The following IL1RAPL1 variants were observed in gnomAD, a reference collection of about 807,000 sequenced individuals.
IL1RAPL1 encodes the protein interleukin-1 receptor accessory protein-like 1.
A neutral mutation model predicts 48.4 loss-of-function variants in IL1RAPL1; 3 were observed. That is an observed-to-expected ratio of 0.06 (90% CI 0.03 to 0.16). The LOEUF (loss-of-function observed/expected upper bound fraction) is 0.16. Ranked by LOEUF, IL1RAPL1 falls within the 10% of genes least tolerant of loss-of-function variation. The probability of loss-of-function intolerance (pLI) is 1.00; values close to 1 mark genes in which losing one functional copy is unlikely to be tolerated. For missense variants in IL1RAPL1, 349 were observed against 530.6 expected (o/e 0.66, Z 3.36); for synonymous variants, 185 against 187.7 (o/e 0.99, Z 0.12).
intron 2 of IL1RAPL1, among the ~76,000 whole-genome samples, chrX:28,911,281 T>TC (rs1293668839): frequency 8.9e-6 from 1 of 111,737 alleles, no homozygotes; most frequent in Non-Finnish European, 1.9e-5. Flanking sequence ...AGCTTTTTTT[T>TC]CTGGAAGTAA....
chrX:29,261,916 TG>T (rs1331273869), intron 2 of IL1RAPL1, among the ~76,000 whole-genome samples: 1 of 111,789 alleles, frequency 8.9e-6, no homozygotes, highest in African/African-American at 3.3e-5. Flanking sequence ...ATATGTTTGT[TG>T]GCTTACTTGT....
Position 29,819,508 on chromosome X carries a change from T to C in IL1RAPL1, c.779-97956T>C, listed in dbSNP as rs750474158. ...ATTCCTGCTGGGGCTTCTGCTATAG[T>C]TTATTAACAAGTATCAGTGTTTCCA... On this transcript the variant is annotated intron_variant, in intron 6 of 10. Coordinates refer to ENST00000378993, the MANE Select transcript of IL1RAPL1 (RefSeq NM_014271.4). 1.0e-3 allele frequency among the ~76,000 whole-genome samples: 113 copies of C among 111,393 alleles called. 1 individual carries two copies. The highest frequency in any genetic ancestry group is 3.6e-3 in the African/African-American group (110 of 30,709).
chrX:29,372,530 A>G (rs745718660), intron 3 of IL1RAPL1, among the ~76,000 whole-genome samples: 1 of 111,479 alleles, frequency 9.0e-6, no homozygotes. Context: ...TTTCTTCTAG[A>G]ATTTTCATAG....
At chrX:29,502,377 G>A in intron 5 of IL1RAPL1, among the ~76,000 whole-genome samples, 1 of 111,071 alleles carries the variant, frequency 9.0e-6, no homozygotes, top group African/African-American at 3.3e-5. Context: ...TAGTGAAAGT[G>A]CGCATCCTTG....
intron 1 of IL1RAPL1, among the ~76,000 whole-genome samples, chrX:28,675,298 G>T (rs1388231203): frequency 1.8e-5 from 2 of 111,642 alleles, no homozygotes; most frequent in East Asian, 5.6e-4. Context: ...AATATTTGTT[G>T]CTGCTAATCC....
chrX:28,728,687 T>A (rs1260549437), intron 1 of IL1RAPL1, among the ~76,000 whole-genome samples: 1 of 111,833 alleles, frequency 8.9e-6, no homozygotes, highest in African/African-American at 3.2e-5. Context: ...TTTACTAATG[T>A]TTATTTTCCA....
intron 6 of IL1RAPL1, among the ~76,000 whole-genome samples, chrX:29,742,546 G>GA (rs770774009): frequency 6.5e-4 from 66 of 102,157 alleles, no homozygotes; most frequent in African/African-American, 1.4e-3. Context: ...TAAATGGTGG[G>GA]AAAAAAAAAA....
rs180795403 is a variant in IL1RAPL1 at position 29,422,595 on chromosome X, A to T, written c.703+23287A>T. 3.6e-5 allele frequency among the ~76,000 whole-genome samples: 4 copies of T among 112,422 alleles called. No individual in the cohort carries two copies. In the East Asian group the frequency reaches 1.1e-3, roughly 31 times the overall value. On this transcript the variant is annotated intron_variant, in intron 5 of 10. Coordinates refer to ENST00000378993, the MANE Select transcript of IL1RAPL1 (RefSeq NM_014271.4). ...TTAAAGAGCAAATCTCTGAAAGCTA[A>T]TGATGCCTGGGTTGCAATCTAAATG...
At chrX:29,793,358 T>C (rs1354360856) in intron 6 of IL1RAPL1, among the ~76,000 whole-genome samples, 1 of 112,640 alleles carries the variant, frequency 8.9e-6, no homozygotes, top group Non-Finnish European at 1.9e-5. Flanking sequence ...AGCAAGAATG[T>C]ACAAAGCCAT....
At chrX:29,367,406 G>A (rs938691059) in intron 3 of IL1RAPL1, among the ~76,000 whole-genome samples, 1 of 110,830 alleles carries the variant, frequency 9.0e-6, no homozygotes, top group Non-Finnish European at 1.9e-5. Flanking sequence ...ATATTGTCTG[G>A]CAAATATTAT....
chrX:29,416,515 C>T (rs751807399), intron 5 of IL1RAPL1, among the ~76,000 whole-genome samples: 75 of 110,784 alleles, frequency 6.8e-4, no homozygotes, highest in African/African-American at 2.3e-3. Flanking sequence ...CCAGCCTGGG[C>T]GACAGAGTTA....
intron 6 of IL1RAPL1, among the ~76,000 whole-genome samples, chrX:29,711,094 A>G (rs2147120733): frequency 9.6e-6 from 1 of 103,752 alleles, no homozygotes; most frequent in South Asian, 4.6e-4. Flanking sequence ...ACACACAGAT[A>G]TATATTTTCC....
At chrX:29,028,147 A>G (rs899462887) in intron 2 of IL1RAPL1, among the ~76,000 whole-genome samples, 1 of 110,747 alleles carries the variant, frequency 9.0e-6, no homozygotes, top group Non-Finnish European at 1.9e-5. Context: ...AATACAATAC[A>G]TTGTTACTAA....
intron 1 of IL1RAPL1, among the ~76,000 whole-genome samples, chrX:28,666,791 A>G (rs1013790990): frequency 8.9e-6 from 1 of 112,118 alleles, no homozygotes; most frequent in Non-Finnish European, 1.9e-5. Flanking sequence ...AGTTGGCTAT[A>G]TAAACATAAC....
At chrX:29,721,544 A>G (rs904606429) in intron 6 of IL1RAPL1, among the ~76,000 whole-genome samples, 1 of 112,038 alleles carries the variant, frequency 8.9e-6, no homozygotes, top group East Asian at 2.8e-4. Context: ...GAAATGTTCA[A>G]TTAAGGAACA....
In IL1RAPL1 at chrX:29,558,167, G is replaced by T. The variant is rs764379164; in HGVS notation, c.704-110263G>T. Among the ~76,000 whole-genome samples, 4 of 111,319 alleles carry T rather than the reference G, an allele frequency of 3.6e-5. No individual in the cohort carries two copies. The South Asian group carries it at 1.5e-3, about 42-fold the overall frequency. The stretch of plus-strand genomic sequence containing the variant: ...TCATTCCCACCATCAGTGCACAGAG[G>T]TCTCTATTCTCCACATCCTTGCCAA... On this transcript the variant is annotated intron_variant, in intron 5 of 10. Coordinates refer to ENST00000378993, the MANE Select transcript of IL1RAPL1 (RefSeq NM_014271.4).
rs186091753 is a variant in IL1RAPL1 at position 29,137,859 on chromosome X, C to A, written c.83-145079C>A. Reference sequence around the variant, plus strand: ...ATGATAAAGTTGATGTAATATGTGACCTTTTATAAGTCACTTTCCCATTTG... The same window carrying A: ...ATGATAAAGTTGATGTAATATGTGAACTTTTATAAGTCACTTTCCCATTTG... On this transcript the variant is annotated intron_variant, in intron 2 of 10. Coordinates refer to ENST00000378993, the MANE Select transcript of IL1RAPL1 (RefSeq NM_014271.4). 5.6e-3 allele frequency among the ~76,000 whole-genome samples: 624 copies of A among 112,343 alleles called. 2 individuals carry two copies. The highest frequency in any genetic ancestry group is 9.2e-3 in the Admixed American group (98 of 10,611).
intron 1 of IL1RAPL1, among the ~76,000 whole-genome samples, chrX:28,724,274 G>A (rs1321406738): frequency 9.0e-6 from 1 of 111,352 alleles, no homozygotes; most frequent in Non-Finnish European, 1.9e-5. Flanking sequence ...GAATCTGGGT[G>A]CTCCTGTATT....
At chrX:29,102,404 C>T (rs1348906428) in intron 2 of IL1RAPL1, among the ~76,000 whole-genome samples, 10 of 112,070 alleles carry the variant, frequency 8.9e-5, no homozygotes, top group Admixed American at 4.7e-4. Flanking sequence ...CGGTGGCTCA[C>T]GCCTATAATC....
Sources: gnomAD v4.1 joint callset for allele counts (sites outside exome capture counted in the v4.1 genomes callset) on GRCh38, gnomAD v4.1.1 for gene constraint, MANE v1.5 for transcripts, NCBI Gene and HGNC (gene_info 2026-07-23, HGNC 2026-07-21) for gene names.